SERHL2: variants seen among roughly 807,000 people sequenced by gnomAD.
The protein encoded by SERHL2 is serine hydrolase-like protein 2.
In SERHL2, 29 loss-of-function variants were observed where a neutral mutation model predicts 25.5. The observed-to-expected ratio is 1.14, with a 90% CI of 0.85 to 1.55. The LOEUF (loss-of-function observed/expected upper bound fraction) is 1.55. Ranked by LOEUF, SERHL2 falls within the 40% of genes most tolerant of loss-of-function variation. The probability of loss-of-function intolerance (pLI) is 0.00; values close to 1 mark genes in which losing one functional copy is unlikely to be tolerated. For missense variants in SERHL2, 240 were observed against 252.3 expected, an observed-to-expected ratio of 0.95 and a Z score of 0.33; for synonymous variants, 95 against 103.5, an observed-to-expected ratio of 0.92 and a Z score of 0.50.
At chr22:42,566,834 T>C (rs1234377808) in intron 9 of SERHL2, among the ~76,000 whole-genome samples, 1 of 152,274 alleles carries the variant, frequency 6.6e-6, no homozygotes, top group East Asian at 1.9e-4. Flanking sequence ...TCTGGAGGCC[T>C]GTGTCACTGG....
intron 8 of SERHL2, among the ~76,000 whole-genome samples, chr22:42,561,486 CGGGGGT>C (rs1922673624): frequency 3.2e-5 from 1 of 30,936 alleles, no homozygotes; most frequent in Non-Finnish European, 6.4e-5. Context: ...CACCTGGGGG[CGGGGGT>C]GGGGGCGTGT....
intron 9 of SERHL2, among the ~76,000 whole-genome samples, chr22:42,567,383 G>C (rs564497578): frequency 6.6e-6 from 1 of 151,252 alleles, no homozygotes; most frequent in Non-Finnish European, 1.5e-5. Flanking sequence ...TCGATTTTTC[G>C]GCCGGGCGCG....
At chr22:42,567,893 C>T (rs1183107819) in intron 9 of SERHL2, among the ~76,000 whole-genome samples, 5 of 151,344 alleles carry the variant, frequency 3.3e-5, no homozygotes, top group Non-Finnish European at 7.4e-5. Context: ...CCACACCTGG[C>T]TAATTTTTGT....
intron 9 of SERHL2, among the ~76,000 whole-genome samples, chr22:42,568,757 G>C (rs902324158): frequency 3.3e-5 from 5 of 151,980 alleles, no homozygotes; most frequent in African/African-American, 1.2e-4. Flanking sequence ...TTGAGGCCAG[G>C]AGTTAAAGAC....
chr22:42,556,159 G>A (rs1413691298), intron 5 of SERHL2, 76 bp downstream of exon 5: 1 of 578,092 alleles, frequency 1.7e-6, no homozygotes, highest in Admixed American at 2.8e-5. Context: ...GGAGGAAGGA[G>A]AAGGTACCTG....
At chr22:42,567,506 T>G (rs949389990) in intron 9 of SERHL2, among the ~76,000 whole-genome samples, 4 of 151,066 alleles carry the variant, frequency 2.6e-5, no homozygotes, top group African/African-American at 9.7e-5. Flanking sequence ...CTACTAAAAA[T>G]GCAAAAAATT....
At chr22:42,573,540 G>A (rs550481389) in intron 11 of SERHL2, 13 of 203,984 alleles carry the variant, frequency 6.4e-5, no homozygotes, top group South Asian at 1.7e-4. Flanking sequence ...GAATACAGGC[G>A]TGAGCCACTG....
At chr22:42,557,532 G>A (rs1428275273) in intron 6 of SERHL2, among the ~76,000 whole-genome samples, 6 of 85,888 alleles carry the variant, frequency 7.0e-5, no homozygotes, top group African/African-American at 1.7e-4. Flanking sequence ...TCCAGCCTGG[G>A]CAACAAGAGG....
intron 8 of SERHL2, chr22:42,563,524 A>C (rs1277881564): frequency 9.1e-6 from 3 of 328,654 alleles, no homozygotes; most frequent in Admixed American, 7.9e-5. Flanking sequence ...TAAAAACAAA[A>C]CAAAAATATC....
At chr22:42,554,246 G>A (rs1921955688) in intron 1 of SERHL2, among the ~76,000 whole-genome samples, 2 of 152,164 alleles carry the variant, frequency 1.3e-5, no homozygotes, top group African/African-American at 4.8e-5. Flanking sequence ...GGCCTCCCAG[G>A]GTTCCAGGAG....
chr22:42,565,818 C>G (rs1923299596), intron 8 of SERHL2, among the ~76,000 whole-genome samples: 2 of 151,810 alleles, frequency 1.3e-5, no homozygotes, highest in African/African-American at 4.8e-5. Flanking sequence ...CCAAGAAAAT[C>G]TTGTTGGTAT....
At chr22:42,556,444 C>G in intron 5 of SERHL2, 70 bp from the exon 6 acceptor site, 1 of 1,601,700 alleles carries the variant, frequency 6.2e-7, no homozygotes, top group East Asian at 2.2e-5. Flanking sequence ...ACTCCAGGGT[C>G]CCCAGGGAAA....
At position 42,567,430 on chromosome 22, in the gene SERHL2, C is replaced by T. The variant is rs371981326; in HGVS notation, c.648+1092C>T. Among the ~76,000 whole-genome samples the T allele has an allele frequency of 3.7e-4, 56 of 150,032 alleles. No homozygotes were observed. The East Asian group carries it at 8.1e-3, about 22-fold the overall frequency. On this transcript the variant is annotated intron_variant, in intron 9 of 11. Coordinates refer to ENST00000327678, the MANE Select transcript of SERHL2 (RefSeq NM_014509.5). ...CTGTAGTCCCAGCACTTTGGGAGGC[C>T]GAGGCGGGTGGATCACAAGGTCAGG...
At chr22:42,562,706 G>A (rs758244946) in intron 8 of SERHL2, among the ~76,000 whole-genome samples, 4 of 151,986 alleles carry the variant, frequency 2.6e-5, no homozygotes, top group Admixed American at 6.5e-5. Context: ...GAAAGGAGCT[G>A]GCAGGACAGG....
chr22:42,573,981 A>C lies in SERHL2; in HGVS notation c.871A>C (p.Ser291Arg), dbSNP rs1483840331. ...EVPGNHCVHMSEPQHVASIIS... is the reference protein window; with the variant it reads ...EVPGNHCVHMREPQHVASIIS... Reference sequence around the variant, plus strand: ...CCCAGGCAATCACTGTGTCCACATGAGCGAACCCCAGCACGTGGCCAGTAT... The same window carrying C: ...CCCAGGCAATCACTGTGTCCACATGCGCGAACCCCAGCACGTGGCCAGTAT... The change falls in exon 12 of 12, where the codon AGC becomes CGC. Residue 291 changes from serine to arginine, a missense_variant. Ser to Arg is a moderately radical substitution (Grantham distance 110). This residue lies in a region of SERHL2 where 212 missense variants were observed against 168.9 expected (regional missense o/e 1.25). Transcript: ENST00000327678. The C allele has an allele frequency of 1.9e-6, 3 of 1,609,252 alleles. No individual in the cohort carries two copies. Among genetic ancestry groups the C allele is most frequent in the Non-Finnish European group, 2.5e-6 (3 of 1,177,014 alleles).
chr22:42,559,846 C>G (rs1466268285), intron 7 of SERHL2, among the ~76,000 whole-genome samples: 3 of 151,990 alleles, frequency 2.0e-5, no homozygotes, highest in African/African-American at 7.2e-5. Flanking sequence ...AAATCTCGCT[C>G]TGTTCCCCAG....
chr22:42,561,530 G>A (rs1922679049), intron 8 of SERHL2, among the ~76,000 whole-genome samples: 1 of 151,706 alleles, frequency 6.6e-6, no homozygotes, highest in Non-Finnish European at 1.5e-5. Flanking sequence ...AGGCCGGGAG[G>A]GAGGCTATGG....
At chr22:42,569,647 G>C (rs1923885497) in intron 9 of SERHL2, 1 of 151,888 alleles carries the variant, frequency 6.6e-6, no homozygotes, top group African/African-American at 2.4e-5. Context: ...GGCCCAAAAA[G>C]CTTGGTCACA....
chr22:42,570,628 C>T (rs957135829), intron 9 of SERHL2, among the ~76,000 whole-genome samples: 17 of 150,722 alleles, frequency 1.1e-4, no homozygotes, highest in Admixed American at 4.6e-4. Flanking sequence ...GGCAGGGCCG[C>T]GGAGGAGGCC....
Sources: allele counts gnomAD v4.1 joint callset (sites outside exome capture counted in the v4.1 genomes callset), GRCh38; gene constraint gnomAD v4.1.1; regional missense constraint gnomAD v4.1.1; transcripts MANE v1.5; gene names NCBI Gene and HGNC (gene_info 2026-07-23, HGNC 2026-07-21).